Variants in AUTS2 observed in about 807,000 individuals in gnomAD.
AUTS2 encodes autism susceptibility gene 2 protein.
A neutral mutation model predicts 112.4 loss-of-function variants in AUTS2; 17 were observed. The ratio of observed to expected loss-of-function variants is 0.15; its 90% CI spans 0.10 to 0.23. AUTS2 has a LOEUF of 0.23. Ranked by LOEUF, AUTS2 falls within the 10% of genes least tolerant of loss-of-function variation. AUTS2 has a pLI of 1.00. For missense variants in AUTS2, 1,510 were observed against 1,701.6 expected (o/e 0.89, Z 1.98); for synonymous variants, 751 against 702.7 (o/e 1.07, Z -1.09).
At chr7:70,739,302 A>G (rs910768977) in intron 6 of AUTS2, among the ~76,000 whole-genome samples, 2 of 150,692 alleles carry the variant, frequency 1.3e-5, no homozygotes, top group African/African-American at 2.4e-5. Flanking sequence ...AGCTTGGACT[A>G]CAGTGCTCAA....
intron 1 of AUTS2, among the ~76,000 whole-genome samples, chr7:69,806,258 CAA>C (rs1491526080): frequency 8.6e-6 from 1 of 115,674 alleles, no homozygotes; most frequent in African/African-American, 3.4e-5. Flanking sequence ...AGAAGAAAGA[CAA>C]GAGGAAGATA....
chr7:70,247,228 A>C (rs550406097), intron 4 of AUTS2, among the ~76,000 whole-genome samples: 1 of 152,322 alleles, frequency 6.6e-6, no homozygotes, highest in East Asian at 1.9e-4. Context: ...ATATAGATGA[A>C]CTTTGAAGAC....
At chr7:69,766,528 T>C (rs1316947404) in intron 1 of AUTS2, among the ~76,000 whole-genome samples, 1 of 152,212 alleles carries the variant, frequency 6.6e-6, no homozygotes, top group Non-Finnish European at 1.5e-5. Flanking sequence ...TACCGTACTG[T>C]TTTCCATAAG....
intron 2 of AUTS2, among the ~76,000 whole-genome samples, chr7:70,059,573 C>G (rs139653248): frequency 3.5e-4 from 53 of 152,214 alleles, no homozygotes; most frequent in African/African-American, 1.2e-3. Flanking sequence ...AATCGAGGAT[C>G]TGGAAATTCT....
chr7:69,662,468 A>G (rs778123785), intron 1 of AUTS2, among the ~76,000 whole-genome samples: 5 of 152,166 alleles, frequency 3.3e-5, no homozygotes, highest in Admixed American at 6.5e-5. Context: ...AGATACCAGT[A>G]GCACCCCTCA....
chr7:69,947,332 T>G (rs1248766911), intron 2 of AUTS2, among the ~76,000 whole-genome samples: 1 of 152,196 alleles, frequency 6.6e-6, no homozygotes, highest in Non-Finnish European at 1.5e-5. Flanking sequence ...AAGTTCATGT[T>G]ACACATATGG....
intron 1 of AUTS2, among the ~76,000 whole-genome samples, chr7:69,822,859 G>C (rs1329363661): frequency 6.6e-6 from 1 of 152,144 alleles, no homozygotes; most frequent in Non-Finnish European, 1.5e-5. Context: ...CCTGTTGTGA[G>C]GAAGGTTGCA....
chr7:70,273,773 T>A (rs181777381), intron 4 of AUTS2, among the ~76,000 whole-genome samples: 84 of 152,248 alleles, frequency 5.5e-4, no homozygotes, highest in African/African-American at 1.9e-3. Context: ...GGGTTTTGCA[T>A]CTTTTGAATA....
intron 4 of AUTS2, among the ~76,000 whole-genome samples, chr7:70,394,966 A>T (rs1392127790): frequency 6.6e-6 from 1 of 152,252 alleles, no homozygotes; most frequent in Non-Finnish European, 1.5e-5. Context: ...AAGTGAACAC[A>T]TACTATATTT....
At chr7:70,736,717 A>T (rs1787799418) in intron 6 of AUTS2, among the ~76,000 whole-genome samples, 1 of 152,210 alleles carries the variant, frequency 6.6e-6, no homozygotes, top group Admixed American at 6.5e-5. Flanking sequence ...TAGGGGAATG[A>T]GGAACAACAG....
At chr7:69,843,590 G>A (rs964184042) in intron 1 of AUTS2, among the ~76,000 whole-genome samples, 3 of 152,196 alleles carry the variant, frequency 2.0e-5, no homozygotes, top group African/African-American at 7.2e-5. Context: ...GGAATGCATG[G>A]GGATGATACA....
intron 4 of AUTS2, among the ~76,000 whole-genome samples, chr7:70,255,205 T>C (rs1786800187): frequency 6.6e-6 from 1 of 150,894 alleles, no homozygotes; most frequent in Non-Finnish European, 1.5e-5. Context: ...TCCCGAGTAG[T>C]GGGGATTACA....
chr7:69,974,094 AT>A (rs1797963240), intron 2 of AUTS2, among the ~76,000 whole-genome samples: 1 of 151,598 alleles, frequency 6.6e-6, no homozygotes, highest in African/African-American at 2.4e-5. Flanking sequence ...AAGAAATTAA[AT>A]TTTCTTAATT....
intron 1 of AUTS2, among the ~76,000 whole-genome samples, chr7:69,675,169 T>C (rs1796500144): frequency 6.6e-6 from 1 of 152,318 alleles, no homozygotes; most frequent in South Asian, 2.1e-4. Context: ...CTGGTAGCAC[T>C]AACCTCTTTT....
intron 5 of AUTS2, among the ~76,000 whole-genome samples, chr7:70,508,945 C>T (rs1399555198): frequency 6.6e-6 from 1 of 152,188 alleles, no homozygotes; most frequent in Non-Finnish European, 1.5e-5. Flanking sequence ...TTTGTTCTCT[C>T]CAAATTCCAT....
intron 5 of AUTS2, among the ~76,000 whole-genome samples, chr7:70,445,074 T>A (rs1186375589): frequency 6.6e-6 from 1 of 152,198 alleles, no homozygotes; most frequent in Non-Finnish European, 1.5e-5. Flanking sequence ...AAAAACATCA[T>A]TTTATAAGAT....
At chr7:70,689,038 C>T (rs1808611012) in intron 5 of AUTS2, among the ~76,000 whole-genome samples, 1 of 152,108 alleles carries the variant, frequency 6.6e-6, no homozygotes, top group Admixed American at 6.5e-5. Context: ...TTGCTGGATT[C>T]AGGGTCGACT....
chr7:70,320,465 G>A (rs145905106), intron 4 of AUTS2, among the ~76,000 whole-genome samples: 11 of 152,306 alleles, frequency 7.2e-5, no homozygotes, highest in African/African-American at 2.6e-4. Context: ...TTGGATCATG[G>A]CATTTATGGA....
chr7:69,898,470 A>C (rs907859725), intron 1 of AUTS2, among the ~76,000 whole-genome samples: 2 of 152,152 alleles, frequency 1.3e-5, no homozygotes, highest in Admixed American at 6.5e-5. Context: ...ACTTCTGATA[A>C]TGAATAATGT....
Sources: gnomAD v4.1 joint callset for allele counts (sites outside exome capture counted in the v4.1 genomes callset) on GRCh38, gnomAD v4.1.1 for gene constraint, MANE v1.5 for transcripts, NCBI Gene and HGNC (gene_info 2026-07-23, HGNC 2026-07-21) for gene names.